The following DPP9 variants were observed in gnomAD, a reference collection of about 807,000 sequenced individuals.
DPP9 encodes dipeptidyl peptidase IV-related protein-2.
A neutral mutation model predicts 110.7 loss-of-function variants in DPP9; 50 were observed. That is an observed-to-expected ratio of 0.45 (90% CI 0.36 to 0.57). The LOEUF (loss-of-function observed/expected upper bound fraction) is 0.57. Among genes scored for constraint, DPP9 ranks in the 20% least tolerant of loss-of-function variants. The pLI, the probability that DPP9 is intolerant of heterozygous loss-of-function variation, is 0.00. For missense variants in DPP9, 1,022 were observed against 1,217.9 expected, an observed-to-expected ratio of 0.84 and a Z score of 2.39; for synonymous variants, 561 against 514.4, an observed-to-expected ratio of 1.09 and a Z score of -1.23.
At position 4,684,617 on chromosome 19, in the gene DPP9, C is replaced by T. The variant is rs761545584; in HGVS notation, c.2178+46G>A. ...CTGCACCCACACGGCCCAGGGCTCC[C>T]TTCCCGAGACCCAAAGGACCCAGAG... On this transcript the variant is annotated intron_variant, in intron 18 of 21. Coordinates refer to ENST00000262960, the MANE Select transcript of DPP9 (RefSeq NM_139159.5). This position sits in a 1 kb window ranked among gnomAD's most constrained non-coding sequence, Gnocchi z 4.8. 2.5e-6 allele frequency: 4 copies of T among 1,607,092 alleles called. No individual in the cohort carries two copies. The highest frequency in any genetic ancestry group is 2.5e-6 in the Non-Finnish European group (3 of 1,176,870).
At position 4,702,159 on chromosome 19, in the gene DPP9, G is replaced by T. The variant is rs1296225440; in HGVS notation, c.884-4C>A. 1 of 1,606,534 alleles carries T rather than the reference G, an allele frequency of 6.2e-7. No homozygotes were observed. Among genetic ancestry groups the T allele is most frequent in the African/African-American group, 1.3e-5 (1 of 74,872 alleles). ...AGCGTCTTGAGGCCCTCTGAACCTTGGGTGGGGTGGTGGAAAAACTGCTGA... is the reference window on the plus strand; with the variant it reads ...AGCGTCTTGAGGCCCTCTGAACCTTTGGTGGGGTGGTGGAAAAACTGCTGA... On this transcript the variant is annotated splice_region_variant and splice_polypyrimidine_tract_variant and intron_variant, in intron 8 of 21. Coordinates refer to ENST00000262960, the MANE Select transcript of DPP9 (RefSeq NM_139159.5).
At chr19:4,701,179 T>C (rs528831004) in intron 9 of DPP9, among the ~76,000 whole-genome samples, 1 of 152,270 alleles carries the variant, frequency 6.6e-6, no homozygotes, top group East Asian at 1.9e-4. Flanking sequence ...TGTTTAAGAA[T>C]TGGGAGTGGC....
rs866798820 is a variant in DPP9 at position 4,710,177 on chromosome 19, T to C, written c.313+3904A>G. Reference sequence around the variant, plus strand: ...CACCCATGCCCCGGTGACCCAGGCCTGCGCAAACACCATTTCCCGTCACTG... The same window carrying C: ...CACCCATGCCCCGGTGACCCAGGCCCGCGCAAACACCATTTCCCGTCACTG... On this transcript the variant is annotated intron_variant, in intron 4 of 21. Transcript: ENST00000262960. The surrounding 1 kb of genome is among the most constrained non-coding windows in gnomAD (Gnocchi z 5.6). 6.6e-6 allele frequency among the ~76,000 whole-genome samples: 1 copy of C among 152,228 alleles called. No homozygotes were observed. Among genetic ancestry groups the C allele is most frequent in the Admixed American group, 6.5e-5 (1 of 15,288 alleles).
At position 4,682,010 on chromosome 19, in the gene DPP9, G is replaced by A. The variant is rs559270249; in HGVS notation, c.2474+686C>T. ...ACTACAGGCACCCGCCACCACACCC[G>A]GCTAATTTTTTGTATTTTTAGTAGA... On this transcript the variant is annotated intron_variant, in intron 20 of 21. Transcript: ENST00000262960. This position sits in a 1 kb window ranked among gnomAD's most constrained non-coding sequence, Gnocchi z 7.1. Among the ~76,000 whole-genome samples the A allele has an allele frequency of 3.3e-5, 5 of 151,804 alleles. No homozygotes were observed. The highest frequency in any genetic ancestry group is 1.9e-4 in the East Asian group (1 of 5,150).
rs1013974427 is a variant in DPP9 at position 4,690,746 on chromosome 19, CGTGT to C, written c.1596+128_1596+131del. 13 of 744,654 alleles carry C rather than the reference CGTGT, an allele frequency of 1.7e-5. No homozygotes were observed. In the Admixed American group the frequency reaches 2.6e-4, roughly 15 times the overall value. The allele number at this position is 744,654 out of a possible 1,614,324, so 46.1% of individuals were successfully genotyped here. A position where few individuals can be genotyped will look rare whatever the true frequency, so the allele number is the denominator to read the frequency against. On this transcript the variant is annotated intron_variant, in intron 14 of 21. Coordinates refer to ENST00000262960, the MANE Select transcript of DPP9 (RefSeq NM_139159.5). ...AGCAGGGTCCTCACAGGTGTGTGTG[CGTGT>C]GTGTATGTGTGAGAATGAGTATGTG...
Position 4,676,736 on chromosome 19 carries a change from A to C in DPP9, c.2587-80T>G. 1.6e-6 allele frequency: 2 copies of C among 1,254,448 alleles called. No homozygotes were observed. Among genetic ancestry groups the C allele is most frequent in the Non-Finnish European group, 2.3e-6 (2 of 883,368 alleles). 77.7% of individuals were successfully genotyped at this position (1,254,448 alleles called of 1,614,324 possible). ...CTAGGCTCCTCCCTTATTCTGGCTC[A>C]GGGCATCCGGGAAGGCGCAGGTGCT... On this transcript the variant is annotated intron_variant, in intron 21 of 21. Coordinates refer to ENST00000262960, the MANE Select transcript of DPP9 (RefSeq NM_139159.5). This position sits in a 1 kb window ranked among gnomAD's most constrained non-coding sequence, Gnocchi z 4.0.
Position 4,684,609 on chromosome 19 carries a change from A to C in DPP9, c.2178+54T>G. 1.9e-6 allele frequency: 3 copies of C among 1,602,240 alleles called. No homozygotes were observed. Among genetic ancestry groups the C allele is most frequent in the Non-Finnish European group, 1.7e-6 (2 of 1,174,036 alleles). ...CCCATGCCCTGCACCCACACGGCCCAGGGCTCCCTTCCCGAGACCCAAAGG... is the reference window on the plus strand; with the variant it reads ...CCCATGCCCTGCACCCACACGGCCCCGGGCTCCCTTCCCGAGACCCAAAGG... On this transcript the variant is annotated intron_variant, in intron 18 of 21. Transcript: ENST00000262960. This position sits in a 1 kb window ranked among gnomAD's most constrained non-coding sequence, Gnocchi z 4.8.
chr19:4,695,488 A>G lies in DPP9; in HGVS notation c.1243T>C (p.Phe415Leu). 6.4e-7 allele frequency: 1 copy of G among 1,570,408 alleles called. No homozygotes were observed. Among genetic ancestry groups the G allele is most frequent in the Non-Finnish European group, 8.6e-7 (1 of 1,159,542 alleles). Residue 415 changes from phenylalanine (F) to leucine (L), a missense_variant, in exon 12 of 22, where the codon TTC (phenylalanine) becomes CTC (leucine). Phe to Leu is a conservative substitution (Grantham distance 22). Coordinates refer to ENST00000262960, the MANE Select transcript of DPP9 (RefSeq NM_139159.5). The surrounding 1 kb of genome is among the most constrained non-coding windows in gnomAD (Gnocchi z 4.7). The stretch of plus-strand genomic sequence containing the variant: ...TCCTCATTCTCTGTGCTCGGGATGA[A>G]CAGGGCCGGGGGGAGGAGGACGAGC... ...LQLVLLPPAL[F>L]IPSTENEEQR... is the part of the protein sequence containing the mutation.
At position 4,697,635 on chromosome 19, in the gene DPP9, T is replaced by A. The variant is rs781211285; in HGVS notation, c.1091A>T (p.Glu364Val). 3.1e-6 allele frequency: 5 copies of A among 1,613,846 alleles called. No individual in the cohort carries two copies. Among genetic ancestry groups the A allele is most frequent in the Non-Finnish European group, 4.2e-6 (5 of 1,179,832 alleles). The change falls in exon 11 of 22, where the codon GAG becomes GTG. Residue 364 changes from glutamate to valine, a missense_variant. Physicochemically the swap from Glu to Val is moderately radical, Grantham distance 121 (BLOSUM62 -2). Transcript: ENST00000262960. ...DSQGKIVSTQEKELVQPFSSL... is the reference protein window; with the variant it reads ...DSQGKIVSTQVKELVQPFSSL... ...GCTGAAGGGCTGCACCAGCTCCTTC[T>A]CCTGGGTCGAGACGATCTGAAGGGA...
rs1331287093 is a variant in DPP9 at position 4,685,471 on chromosome 19, C to G, written c.2031+155G>C. On this transcript the variant is annotated intron_variant, in intron 17 of 21. Transcript: ENST00000262960. The surrounding 1 kb of genome is among the most constrained non-coding windows in gnomAD (Gnocchi z 5.8). ...AGGAGGGTGAGGGGCCCCGAGGACC[C>G]TGTGTAGTCAGGGCAGGCGGGGTGG... 1 of 867,222 alleles carries G rather than the reference C, an allele frequency of 1.2e-6. No homozygotes were observed. The highest frequency in any genetic ancestry group is 1.6e-5 in the South Asian group (1 of 63,418). 53.7% of individuals were successfully genotyped at this position (867,222 alleles called of 1,614,324 possible). A position where few individuals can be genotyped will look rare whatever the true frequency, so the allele number is the denominator to read the frequency against.
chr19:4,709,170 G>C (rs919612244), intron 4 of DPP9, among the ~76,000 whole-genome samples: 1 of 150,610 alleles, frequency 6.6e-6, no homozygotes, highest in Non-Finnish European at 1.5e-5. Flanking sequence ...TGCCTGCCTC[G>C]GCCTCCCAAA....
chr19:4,685,008 G>T lies in DPP9; in HGVS notation c.2032-199C>A. ...CCCATACTCGGGACCCTGCTAGGGAGGGGGAAGGGCCACTGTCAGGCTCTT... is the reference window on the plus strand; with the variant it reads ...CCCATACTCGGGACCCTGCTAGGGATGGGGAAGGGCCACTGTCAGGCTCTT... On this transcript the variant is annotated intron_variant, in intron 17 of 21. Coordinates refer to ENST00000262960, the MANE Select transcript of DPP9 (RefSeq NM_139159.5). The surrounding 1 kb of genome is among the most constrained non-coding windows in gnomAD (Gnocchi z 5.8). 1.4e-6 allele frequency: 1 copy of T among 718,134 alleles called. No homozygotes were observed. The highest frequency in any genetic ancestry group is 2.5e-6 in the Non-Finnish European group (1 of 402,934). The allele number at this position is 718,134 out of a possible 1,614,324, so 44.5% of individuals were successfully genotyped here.
chr19:4,692,112 C>T (rs943776152), intron 13 of DPP9, among the ~76,000 whole-genome samples: 9 of 151,968 alleles, frequency 5.9e-5, no homozygotes, highest in African/African-American at 2.2e-4. Flanking sequence ...TGAGCCACAT[C>T]CCCGGCTGGA....
chr19:4,707,560 C>T (rs1050425317), intron 4 of DPP9, among the ~76,000 whole-genome samples: 1 of 150,250 alleles, frequency 6.7e-6, no homozygotes, highest in Admixed American at 6.6e-5. Context: ...TTCTCCAGGA[C>T]GAAGCCTCGG....
chr19:4,675,324 A>G lies in DPP9; in HGVS notation c.*1240T>C, dbSNP rs1435567548. ...AAAATATTTTCTTTCCATAATATGTAGAGGTGGTTTGTTTCTTTTTTTTTT... is the reference window on the plus strand; with the variant it reads ...AAAATATTTTCTTTCCATAATATGTGGAGGTGGTTTGTTTCTTTTTTTTTT... On this transcript the variant is annotated 3_prime_UTR_variant, in exon 22 of 22. Coordinates refer to ENST00000262960, the MANE Select transcript of DPP9 (RefSeq NM_139159.5). The G allele has an allele frequency of 6.6e-6, 1 of 152,144 alleles. No homozygotes were observed. 9.4% of individuals were successfully genotyped at this position (152,144 alleles called of 1,614,324 possible).
Position 4,690,952 on chromosome 19 carries a change from A to G in DPP9, c.1522T>C (p.Phe508Leu). ...SEPFSPGEDE[F>L]KCPIKEEIAL... ...ATCTCTTCCTTAATGGGGCACTTAA[A>G]TTCATCTGGAAAGAAAGAAAGAAGG... Residue 508 changes from phenylalanine to leucine, a missense_variant, in exon 14 of 22, where the codon TTT (phenylalanine) becomes CTT (leucine). Around this residue, in one of 3 missense-constraint regions of DPP9, gnomAD observed 810 missense variants for 920.6 expected, o/e 0.88. Transcript: ENST00000262960. 1.9e-6 allele frequency: 3 copies of G among 1,612,364 alleles called. No homozygotes were observed. Among genetic ancestry groups the G allele is most frequent in the Non-Finnish European group, 2.5e-6 (3 of 1,179,262 alleles).
chr19:4,692,547 A>G (rs1256873391), intron 13 of DPP9, among the ~76,000 whole-genome samples: 1 of 152,060 alleles, frequency 6.6e-6, no homozygotes, highest in Non-Finnish European at 1.5e-5. Context: ...GCTGCTGTCT[A>G]GGAGATGCAT....
intron 14 of DPP9, among the ~76,000 whole-genome samples, chr19:4,690,047 C>A (rs909338788): frequency 6.6e-6 from 1 of 152,182 alleles, no homozygotes; most frequent in African/African-American, 2.4e-5. Flanking sequence ...AGGGAGGGCA[C>A]CGTGCCCGAA....
chr19:4,700,120 G>C lies in DPP9; in HGVS notation c.1074+96C>G. Reference sequence around the variant, plus strand: ...GCTGGGGCCTGGGGAGTGCCCCCGAGAGGGAGGTGAGTGACCTGCCCATCC... The same window carrying C: ...GCTGGGGCCTGGGGAGTGCCCCCGACAGGGAGGTGAGTGACCTGCCCATCC... On this transcript the variant is annotated intron_variant, in intron 10 of 21. Coordinates refer to ENST00000262960, the MANE Select transcript of DPP9 (RefSeq NM_139159.5). The surrounding 1 kb of genome is among the most constrained non-coding windows in gnomAD (Gnocchi z 4.3). 9.7e-7 allele frequency: 1 copy of C among 1,029,614 alleles called. No homozygotes were observed. Among genetic ancestry groups the C allele is most frequent in the Non-Finnish European group, 1.4e-6 (1 of 733,152 alleles). 63.8% of individuals were successfully genotyped at this position (1,029,614 alleles called of 1,614,324 possible). A position where few individuals can be genotyped will look rare whatever the true frequency, so the allele number is the denominator to read the frequency against.
Sources: allele counts gnomAD v4.1 joint callset (sites outside exome capture counted in the v4.1 genomes callset), GRCh38; gene constraint gnomAD v4.1.1; regional missense constraint gnomAD v4.1.1; non-coding constraint Gnocchi (gnomAD v3.1); transcripts MANE v1.5; gene names NCBI Gene and HGNC (gene_info 2026-07-23, HGNC 2026-07-21).